Variants in NEMP2 observed in about 807,000 individuals in gnomAD.
The protein encoded by NEMP2 is UPF0571 transmembrane protein.
In NEMP2, 53 loss-of-function variants were observed where a neutral mutation model predicts 54.2. The observed-to-expected ratio is 0.98, with a 90% CI of 0.78 to 1.23. The LOEUF is 1.23. Among genes scored for constraint, NEMP2 ranks in the 50% most tolerant of loss-of-function variants. The pLI, the probability that NEMP2 is intolerant of heterozygous loss-of-function variation, is 0.00. For missense variants in NEMP2, 455 were observed against 511.3 expected (o/e 0.89, Z 1.06); for synonymous variants, 197 against 190.3 (o/e 1.04, Z -0.29).
chr2:190,474,096 G>A, the NEMP2 span, among the ~76,000 whole-genome samples: 1 of 152,012 alleles, frequency 6.6e-6, no homozygotes, highest in Non-Finnish European at 1.5e-5. Context: ...AGCACTAAAT[G>A]CCCACAAGAG....
chr2:190,430,503 A>C, the NEMP2 span, among the ~76,000 whole-genome samples: 12 of 151,906 alleles, frequency 7.9e-5, 1 homozygote, highest in African/African-American at 2.7e-4. Context: ...CACATGTTTC[A>C]GAGAGCACAG....
the NEMP2 span, among the ~76,000 whole-genome samples, chr2:190,637,378 T>C: frequency 3.9e-5 from 6 of 152,208 alleles, no homozygotes; most frequent in African/African-American, 1.4e-4. The surrounding 1 kb of genome is among the most constrained non-coding windows in gnomAD (Gnocchi z 4.5). Context: ...TTGCACTCAC[T>C]GGTGCTGAGA....
At chr2:190,642,373 G>A in the NEMP2 span, among the ~76,000 whole-genome samples, 4 of 152,122 alleles carry the variant, frequency 2.6e-5, no homozygotes, top group African/African-American at 9.7e-5. This position sits in a 1 kb window ranked among gnomAD's most constrained non-coding sequence, Gnocchi z 4.1. Flanking sequence ...GATGAACTAG[G>A]TAAACTTTAT....
the NEMP2 span, among the ~76,000 whole-genome samples, chr2:190,597,708 A>G: frequency 6.6e-6 from 1 of 152,192 alleles, no homozygotes; most frequent in Non-Finnish European, 1.5e-5. This position sits in a 1 kb window ranked among gnomAD's most constrained non-coding sequence, Gnocchi z 4.7. Flanking sequence ...CCTTGGAATA[A>G]AAGAAACAGT....
chr2:190,451,082 G>A, the NEMP2 span, among the ~76,000 whole-genome samples: 2 of 152,164 alleles, frequency 1.3e-5, no homozygotes, highest in South Asian at 2.1e-4. The surrounding 1 kb of genome is among the most constrained non-coding windows in gnomAD (Gnocchi z 5.0). Context: ...TGGTAGGATC[G>A]TTGAGTAGTG....
At chr2:190,605,381 A>AT in the NEMP2 span, among the ~76,000 whole-genome samples, 2 of 131,434 alleles carry the variant, frequency 1.5e-5, no homozygotes, top group Non-Finnish European at 3.2e-5. Flanking sequence ...TTATTTATTT[A>AT]TTTTTTTGAG....
the NEMP2 span, among the ~76,000 whole-genome samples, chr2:190,426,219 TC>T: frequency 6.6e-6 from 1 of 152,218 alleles, no homozygotes; most frequent in African/African-American, 2.4e-5. The surrounding 1 kb of genome is among the most constrained non-coding windows in gnomAD (Gnocchi z 4.7). Flanking sequence ...GTCCCATAGG[TC>T]CTTAAGGCTC....
At chr2:190,606,439 T>C in the NEMP2 span, among the ~76,000 whole-genome samples, 1 of 152,178 alleles carries the variant, frequency 6.6e-6, no homozygotes, top group Admixed American at 6.6e-5. Flanking sequence ...AGGCCAGGCA[T>C]GGTGGCTTAC....
chr2:190,479,725 A>G, the NEMP2 span, among the ~76,000 whole-genome samples: 1 of 152,172 alleles, frequency 6.6e-6, no homozygotes. Flanking sequence ...AGGGGCTGCT[A>G]TAACTAAAGA....
At chr2:190,482,868 C>T in the NEMP2 span, among the ~76,000 whole-genome samples, 211 of 48,232 alleles carry the variant, frequency 4.4e-3, 1 homozygote, top group South Asian at 0.027. Context: ...AGACTATCAT[C>T]TTTTTTTTTT....
At chr2:190,598,012 G>T in the NEMP2 span, among the ~76,000 whole-genome samples, 1 of 152,056 alleles carries the variant, frequency 6.6e-6, no homozygotes, top group African/African-American at 2.4e-5. Flanking sequence ...ATTGATATTT[G>T]GGGACAGATT....
the NEMP2 span, among the ~76,000 whole-genome samples, chr2:190,492,050 G>A: frequency 6.6e-6 from 1 of 152,148 alleles, no homozygotes; most frequent in Admixed American, 6.5e-5. The surrounding 1 kb of genome is among the most constrained non-coding windows in gnomAD (Gnocchi z 5.2). Flanking sequence ...CGAAGAAGCA[G>A]AAGAAAGAAC....
Position 190,527,846 on chromosome 2 carries a change from T to C in NEMP2, c.98-2468A>G, listed in dbSNP as rs942244791. Reference sequence around the variant, plus strand: ...GAGCAACCTAGGGATCTAGGTTGCATGCTTGTTATGATAATCTAACTAATG... The same window carrying C: ...GAGCAACCTAGGGATCTAGGTTGCACGCTTGTTATGATAATCTAACTAATG... On this transcript the variant is annotated intron_variant, in intron 1 of 8. Coordinates refer to ENST00000409150, the MANE Select transcript of NEMP2 (RefSeq NM_001142645.2). This position sits in a 1 kb window ranked among gnomAD's most constrained non-coding sequence, Gnocchi z 4.0. 1.3e-5 allele frequency among the ~76,000 whole-genome samples: 2 copies of C among 152,132 alleles called. No homozygotes were observed. The highest frequency in any genetic ancestry group is 2.9e-5 in the Non-Finnish European group (2 of 68,026).
At position 190,533,779 on chromosome 2, in the gene NEMP2, A is replaced by C. The variant is rs528954009; in HGVS notation, c.97+780T>G. 6.6e-6 allele frequency among the ~76,000 whole-genome samples: 1 copy of C among 151,732 alleles called. No individual in the cohort carries two copies. Among genetic ancestry groups the C allele is most frequent in the African/African-American group, 2.4e-5 (1 of 41,296 alleles). On this transcript the variant is annotated intron_variant, in intron 1 of 8. Transcript: ENST00000409150. The surrounding 1 kb of genome is among the most constrained non-coding windows in gnomAD (Gnocchi z 4.3). Reference sequence around the variant, plus strand: ...TTTAAAAGATTTTATGAGGGGAAAAAAAAAAAGAAACAGAAATGTGAAGCT... The same window carrying C: ...TTTAAAAGATTTTATGAGGGGAAAACAAAAAAGAAACAGAAATGTGAAGCT...
chr2:190,600,412 A>G, the NEMP2 span, among the ~76,000 whole-genome samples: 2 of 152,162 alleles, frequency 1.3e-5, no homozygotes, highest in Non-Finnish European at 2.9e-5. This position sits in a 1 kb window ranked among gnomAD's most constrained non-coding sequence, Gnocchi z 4.9. Flanking sequence ...TTTGAATGTC[A>G]TTTGTCTTCG....
At chr2:190,629,809 C>T in the NEMP2 span, 45 of 152,316 alleles carry the variant, frequency 3.0e-4, no homozygotes, top group African/African-American at 9.4e-4. Context: ...GTGTCAAAAC[C>T]GTTGTGCCCA....
downstream of NEMP2, among the ~76,000 whole-genome samples, chr2:190,503,550 G>C (rs147353017): frequency 2.3e-3 from 357 of 152,298 alleles, 1 homozygote; most frequent in Admixed American, 6.8e-3. This position sits in a 1 kb window ranked among gnomAD's most constrained non-coding sequence, Gnocchi z 6.3. Flanking sequence ...CAGTGTGAGA[G>C]GTTAGAGCTT....
At chr2:190,547,257 T>C in the NEMP2 span, among the ~76,000 whole-genome samples, 2 of 152,210 alleles carry the variant, frequency 1.3e-5, no homozygotes, top group South Asian at 2.1e-4. The surrounding 1 kb of genome is among the most constrained non-coding windows in gnomAD (Gnocchi z 6.2). Flanking sequence ...AAAATCACTA[T>C]GGTGATATTT....
the NEMP2 span, among the ~76,000 whole-genome samples, chr2:190,461,164 T>C: frequency 6.6e-6 from 1 of 152,210 alleles, no homozygotes; most frequent in South Asian, 2.1e-4. The surrounding 1 kb of genome is among the most constrained non-coding windows in gnomAD (Gnocchi z 5.5). Context: ...GAAGCCAAAA[T>C]AGAAACCCAG....
Sources: gnomAD v4.1 joint callset for allele counts (sites outside exome capture counted in the v4.1 genomes callset) on GRCh38, gnomAD v4.1.1 for gene constraint, Gnocchi (gnomAD v3.1) non-coding constraint, MANE v1.5 for transcripts, NCBI Gene and HGNC (gene_info 2026-07-23, HGNC 2026-07-21) for gene names.